The following MSH6 variants were observed in gnomAD, a reference collection of about 807,000 sequenced individuals.
MSH6 encodes the protein DNA mismatch repair protein Msh6.
MSH6 carries 85 observed loss-of-function variants against 119.1 expected under a neutral mutation model. The ratio of observed to expected loss-of-function variants is 0.71; its 90% CI spans 0.60 to 0.85. The LOEUF (loss-of-function observed/expected upper bound fraction) is 0.85, where lower values mean the gene tolerates loss of function less well. Ranked by LOEUF, MSH6 falls within the 40% of genes least tolerant of loss-of-function variation. The probability of loss-of-function intolerance (pLI) is 0.00; values close to 1 mark genes in which losing one functional copy is unlikely to be tolerated. For missense variants in MSH6, 2,163 were observed against 1,655.3 expected (o/e 1.31, Z -5.32); for synonymous variants, 830 against 586.9 (o/e 1.41, Z -5.99).
intron 1 of MSH6, 77 bp downstream of exon 1, chr2:47,783,570 C>G (rs1409328096): frequency 1.3e-5 from 18 of 1,344,258 alleles, no homozygotes; most frequent in Non-Finnish European, 1.4e-5. Flanking sequence ...GAGGCTCGCA[C>G]AGGGGGTTGG....
chr2:47,802,800 G>T (rs1669680722), intron 4 of MSH6, among the ~76,000 whole-genome samples: 1 of 152,120 alleles, frequency 6.6e-6, no homozygotes, highest in East Asian at 1.9e-4. Context: ...TTCTTCCTCA[G>T]CACAGGTGTT....
At chr2:47,808,103 C>CTT, downstream of MSH6, 1 of 1,592,406 alleles carries the variant, frequency 6.3e-7, no homozygotes, top group Non-Finnish European at 8.5e-7. Flanking sequence ...AGGACTTTTT[C>CTT]TTTAGGGAAG....
chr2:47,808,534 A>T (rs2710163), downstream of MSH6: 1 of 898,092 alleles, frequency 1.1e-6, no homozygotes, highest in Admixed American at 3.1e-5. Flanking sequence ...GGACCAAAAC[A>T]AAATTCTTTG....
At chr2:47,787,055 GTGGCTCATGCC>G (rs1668391156) in intron 1 of MSH6, among the ~76,000 whole-genome samples, 1 of 152,244 alleles carries the variant, frequency 6.6e-6, no homozygotes, top group Non-Finnish European at 1.5e-5. Context: ...GCTGGGTGCA[GTGGCTCATGCC>G]TGTAAACCCA....
At chr2:47,786,691 G>A (rs955939562) in intron 1 of MSH6, among the ~76,000 whole-genome samples, 17 of 151,848 alleles carry the variant, frequency 1.1e-4, no homozygotes, top group Admixed American at 9.9e-4. Context: ...ATTTCTTCTT[G>A]TGCTGAAGTG....
chr2:47,786,014 A>C (rs1668326509), intron 1 of MSH6, among the ~76,000 whole-genome samples: 1 of 152,228 alleles, frequency 6.6e-6, no homozygotes, highest in African/African-American at 2.4e-5. Flanking sequence ...GGCATTATGG[A>C]TCCTGGATAC....
At chr2:47,794,917 C>G (rs537325069) in intron 2 of MSH6, among the ~76,000 whole-genome samples, 2 of 152,212 alleles carry the variant, frequency 1.3e-5, no homozygotes, top group Admixed American at 1.3e-4. Flanking sequence ...TCCTCAGCCT[C>G]CCGAGTAGCT....
intron 1 of MSH6, among the ~76,000 whole-genome samples, chr2:47,788,932 T>G (rs1668550876): frequency 5.2e-5 from 5 of 96,060 alleles, no homozygotes; most frequent in African/African-American, 1.4e-4. Flanking sequence ...GTTTTTTTTT[T>G]TTTTTTTTTT....
In MSH6 at chr2:47,806,322, T is replaced by G. The variant is rs1212096393; in HGVS notation, c.3765T>G (p.Asp1255Glu). ...FSTHYHSLVE[D>E]YSQNVAVRLG... ...CTCACTACCATTCATTAGTAGAAGA[T>G]TATTCTCAAAATGTTGCTGTGCGCC... The change falls in exon 8 of 10, where the codon GAT becomes GAG. Residue 1255 changes from aspartate to glutamate, a missense_variant. By Grantham distance (45) the Asp-to-Glu change is conservative (BLOSUM62 2). Coordinates refer to ENST00000234420, the MANE Select transcript of MSH6 (RefSeq NM_000179.3). 6.2e-7 allele frequency: 1 copy of G among 1,614,170 alleles called. No homozygotes were observed. The highest frequency in any genetic ancestry group is 2.2e-5 in the East Asian group (1 of 44,870).
rs1206693577 is a variant in MSH6, at chr2:47,800,514, T to C, written c.2531T>C (p.Met844Thr). 2 of 1,613,090 alleles carry C rather than the reference T, an allele frequency of 1.2e-6. No homozygotes were observed. Among genetic ancestry groups the C allele is most frequent in the Non-Finnish European group, 1.7e-6 (2 of 1,179,808 alleles). Reference protein sequence around the residue: ...SQNHPDSRAIMYEETTYSKKK... With the variant: ...SQNHPDSRAITYEETTYSKKK... Reference sequence around the variant, plus strand: ...AACCACCCAGACAGCAGGGCTATAATGTATGAAGAAACTACATACAGCAAG... The same window carrying C: ...AACCACCCAGACAGCAGGGCTATAACGTATGAAGAAACTACATACAGCAAG... The change falls in exon 4 of 10, where the codon ATG (methionine) becomes ACG (threonine). Residue 844 changes from methionine (M) to threonine (T), a missense_variant. Coordinates refer to ENST00000234420, the MANE Select transcript of MSH6 (RefSeq NM_000179.3).
rs376799914 is a variant in MSH6, at chr2:47,804,949, G to T, written c.3478G>T (p.Val1160Phe). The T allele has an allele frequency of 6.2e-7, 1 of 1,614,064 alleles. No individual in the cohort carries two copies. The highest frequency in any genetic ancestry group is 8.5e-7 in the Non-Finnish European group (1 of 1,180,004). ...LAVMAQMGCY[V>F]PAEVCRLTPI... ...TGTAATGGCCCAGATGGGTTGTTAC[G>T]TCCCTGCTGAAGTGTGCAGGCTCAC... Residue 1160 changes from valine to phenylalanine, a missense_variant, in exon 6 of 10, where the codon GTC becomes TTC. Coordinates refer to ENST00000234420, the MANE Select transcript of MSH6 (RefSeq NM_000179.3).
chr2:47,785,194 A>G (rs1401850105), intron 1 of MSH6, among the ~76,000 whole-genome samples: 1 of 151,718 alleles, frequency 6.6e-6, no homozygotes, highest in African/African-American at 2.4e-5. Context: ...CTCAGAAAAA[A>G]TAACTCATTC....
chr2:47,809,108 A>T (rs779642023), downstream of MSH6: 2 of 1,198,680 alleles, frequency 1.7e-6, no homozygotes, highest in South Asian at 2.7e-5. Context: ...CTAATTTAAA[A>T]AGGAAATCAG....
In MSH6 at chr2:47,783,304, C is replaced by T. The variant is rs786201684; in HGVS notation, c.71C>T (p.Ser24Leu). 4.3e-6 allele frequency: 7 copies of T among 1,612,002 alleles called. No individual in the cohort carries two copies. Among genetic ancestry groups the T allele is most frequent in the Non-Finnish European group, 4.2e-6 (5 of 1,179,474 alleles). The change falls in exon 1 of 10, where the codon TCG becomes TTG. Residue 24 changes from serine to leucine, a missense_variant. Ser to Leu is a moderately radical substitution (Grantham distance 145). Transcript: ENST00000234420. ...GCGCTGAGTGATGCCAACAAGGCCTCGGCCAGGGCCTCACGCGAAGGCGGC... is the reference window on the plus strand; with the variant it reads ...GCGCTGAGTGATGCCAACAAGGCCTTGGCCAGGGCCTCACGCGAAGGCGGC... ...SPALSDANKA[S>L]ARASREGGRA...
In MSH6 at chr2:47,802,758, T is replaced by C. The variant is rs375734986; in HGVS notation, c.3173-662T>C. ...AACAGAATAATATACTTCCTTTTAG[T>C]GTGCTGCATTTGGTTACTGGGTAAT... On this transcript the variant is annotated intron_variant, in intron 4 of 9. Transcript: ENST00000234420. Among the ~76,000 whole-genome samples, 195 of 152,146 alleles carry C rather than the reference T, an allele frequency of 1.3e-3. 3 individuals are homozygous for C. In the South Asian group the frequency reaches 0.018, roughly 14 times the overall value.
intron 2 of MSH6, among the ~76,000 whole-genome samples, chr2:47,792,513 T>C (rs1001669067): frequency 2.0e-5 from 3 of 152,278 alleles, no homozygotes; most frequent in Middle Eastern, 3.4e-3. Context: ...GTTTTTTCTT[T>C]TAATCTTTTT....
downstream of MSH6, chr2:47,809,723 CAA>C (rs1386385025): frequency 1.9e-6 from 3 of 1,544,648 alleles, no homozygotes; most frequent in Non-Finnish European, 2.7e-6. Flanking sequence ...GTAAAATTTA[CAA>C]ACAAGTAGAT....
downstream of MSH6, chr2:47,809,684 T>C (rs763988532): frequency 1.2e-6 from 2 of 1,613,320 alleles, no homozygotes; most frequent in South Asian, 2.2e-5. Flanking sequence ...AGTGTTGCAG[T>C]TGCGTGATTT....
chr2:47,801,160 G>T lies in MSH6; in HGVS notation c.3172+5G>T, dbSNP rs876659857. On this transcript the variant is annotated splice_donor_5th_base_variant and intron_variant, in intron 4 of 9. Coordinates refer to ENST00000234420, the MANE Select transcript of MSH6 (RefSeq NM_000179.3). ...TAGAGTGTATCGCAGTGTTGGGTAAGACTTTGAACAAGCTTGTTCTCAGGC... is the reference window on the plus strand; with the variant it reads ...TAGAGTGTATCGCAGTGTTGGGTAATACTTTGAACAAGCTTGTTCTCAGGC... 2 of 1,608,256 alleles carry T rather than the reference G, an allele frequency of 1.2e-6. No individual in the cohort carries two copies. Among genetic ancestry groups the T allele is most frequent in the Non-Finnish European group, 1.7e-6 (2 of 1,179,930 alleles).
Sources: gnomAD v4.1 joint callset for allele counts (sites outside exome capture counted in the v4.1 genomes callset) on GRCh38, gnomAD v4.1.1 for gene constraint, MANE v1.5 for transcripts, NCBI Gene and HGNC (gene_info 2026-07-23, HGNC 2026-07-21) for gene names.